ARFGEF3: variants seen among roughly 807,000 people sequenced by gnomAD.
ARFGEF3 encodes the protein brefeldin A-inhibited guanine nucleotide-exchange protein 3.
In ARFGEF3, 96 loss-of-function variants were observed where a neutral mutation model predicts 221.7. That is an observed-to-expected ratio of 0.43 (90% CI 0.37 to 0.51). The LOEUF is 0.51. Among genes scored for constraint, ARFGEF3 ranks in the 20% least tolerant of loss-of-function variants. The probability of loss-of-function intolerance (pLI) is 0.00; values close to 1 mark genes in which losing one functional copy is unlikely to be tolerated. For missense variants in ARFGEF3, 2,410 were observed against 2,789.9 expected, an observed-to-expected ratio of 0.86 and a Z score of 3.07; for synonymous variants, 1,145 against 1,126.8, an observed-to-expected ratio of 1.02 and a Z score of -0.32.
At position 138,337,910 on chromosome 6, in the gene ARFGEF3, C is replaced by A. The variant is rs1780360634; in HGVS notation, c.*1424C>A. 1 of 152,138 alleles carries A rather than the reference C, an allele frequency of 6.6e-6. No individual in the cohort carries two copies. The highest frequency in any genetic ancestry group is 6.5e-5 in the Admixed American group (1 of 15,268). The allele number at this position is 152,138 out of a possible 1,614,324, so 9.4% of individuals were successfully genotyped here. Reference sequence around the variant, plus strand: ...AGCCCCATTCATAATGAATAAGTCACCCTTTAAATATAAGACACAAATTCT... The same window carrying A: ...AGCCCCATTCATAATGAATAAGTCAACCTTTAAATATAAGACACAAATTCT... On this transcript the variant is annotated 3_prime_UTR_variant, in exon 34 of 34. Transcript: ENST00000251691.
intron 3 of ARFGEF3, 93 bp downstream of exon 3, chr6:138,207,216 G>T (rs1042348188): frequency 1.5e-5 from 14 of 906,724 alleles, no homozygotes; most frequent in Non-Finnish European, 2.4e-5. Flanking sequence ...AATACTGGCT[G>T]TTTAAAGACT....
chr6:138,163,666 G>A (rs950892657), intron 1 of ARFGEF3, among the ~76,000 whole-genome samples: 1 of 152,126 alleles, frequency 6.6e-6, no homozygotes, highest in Non-Finnish European at 1.5e-5. Flanking sequence ...AAACCACAAC[G>A]TTGCTGAGTT....
chr6:138,238,263 C>T (rs986888909), intron 5 of ARFGEF3, among the ~76,000 whole-genome samples: 3 of 152,168 alleles, frequency 2.0e-5, no homozygotes, highest in Non-Finnish European at 4.4e-5. Flanking sequence ...TTGCGTTCCC[C>T]TATGATGCTC....
chr6:138,331,519 TGGTTTGTTTG>T lies in ARFGEF3; in HGVS notation c.5124-2441_5124-2432del, dbSNP rs371275998. ...AGCATTTAAATAGAGAAACCTGGGT[TGGTTTGTTTG>T]GGTTTGTTTTAATAGCCTTGACATT... is the stretch of plus-strand genomic sequence containing the variant. On this transcript the variant is annotated intron_variant, in intron 32 of 33. Transcript: ENST00000251691. Among the ~76,000 whole-genome samples, 212 of 152,358 alleles carry T rather than the reference TGGTTTGTTTG, an allele frequency of 1.4e-3. 1 individual carries two copies. Among genetic ancestry groups the T allele is most frequent in the African/African-American group, 4.5e-3 (189 of 41,592 alleles).
At chr6:138,332,888 C>CA (rs763683555) in intron 32 of ARFGEF3, among the ~76,000 whole-genome samples, 1 of 152,120 alleles carries the variant, frequency 6.6e-6, no homozygotes, top group Non-Finnish European at 1.5e-5. Context: ...GAGGACTACA[C>CA]AAAGGGCAAA....
intron 2 of ARFGEF3, among the ~76,000 whole-genome samples, chr6:138,176,931 A>C (rs150247596): frequency 6.6e-6 from 1 of 152,014 alleles, no homozygotes; most frequent in East Asian, 1.9e-4. Flanking sequence ...GCATTTTGAA[A>C]ATGTCATTCA....
chr6:138,262,743 C>T lies in ARFGEF3; in HGVS notation c.1260C>T (p.Ile420=), dbSNP rs536315882. The T allele has an allele frequency of 9.3e-6, 15 of 1,610,938 alleles. No homozygotes were observed. Among genetic ancestry groups the T allele is most frequent in the East Asian group, 6.7e-5 (3 of 44,764 alleles). ...GMTEACIKGG[I]EACYAAVSCV... is the part of the protein sequence containing the mutation. ...CCGAAGCATGCATCAAGGGTGGCAT[C>T]GAAGCTTGCTATGCAGCCGTGTCCT... is the stretch of plus-strand genomic sequence containing the variant. Residue 420 remains isoleucine, a synonymous_variant, in exon 12 of 34, where the codon ATC becomes ATT. Coordinates refer to ENST00000251691, the MANE Select transcript of ARFGEF3 (RefSeq NM_020340.5).
chr6:138,315,685 A>G (rs181293793), intron 26 of ARFGEF3, among the ~76,000 whole-genome samples: 85 of 152,216 alleles, frequency 5.6e-4, no homozygotes, highest in African/African-American at 2.0e-3. Context: ...CCCAGTATCT[A>G]CTAAAAATAC....
In ARFGEF3 at chr6:138,289,999, A is replaced by G. The variant is rs765707259; in HGVS notation, c.3047+31A>G. 3.8e-6 allele frequency: 6 copies of G among 1,586,808 alleles called. No individual in the cohort carries two copies. The Admixed American group carries it at 1.1e-4, about 28-fold the overall frequency. ...TGACGGGCTCCCACCCCCAGATGGC[A>G]CTAACCCTGCCTTGGGAAACCTGGA... On this transcript the variant is annotated intron_variant, in intron 18 of 33. Coordinates refer to ENST00000251691, the MANE Select transcript of ARFGEF3 (RefSeq NM_020340.5).
intron 1 of ARFGEF3, among the ~76,000 whole-genome samples, chr6:138,169,797 C>G (rs1035310932): frequency 4.6e-5 from 7 of 152,198 alleles, no homozygotes; most frequent in African/African-American, 1.7e-4. Flanking sequence ...ATATCAAGCC[C>G]AGATCCTATC....
chr6:138,288,070 T>C (rs1244526592), intron 17 of ARFGEF3, among the ~76,000 whole-genome samples: 3 of 151,762 alleles, frequency 2.0e-5, no homozygotes, highest in Non-Finnish European at 4.4e-5. Context: ...ACCACGATAT[T>C]CAGATTAAAA....
intron 32 of ARFGEF3, among the ~76,000 whole-genome samples, chr6:138,332,918 C>A (rs1780253818): frequency 6.6e-6 from 1 of 152,178 alleles, no homozygotes; most frequent in East Asian, 1.9e-4. Flanking sequence ...GAGATTTATG[C>A]AGGATTTGTC....
intron 2 of ARFGEF3, among the ~76,000 whole-genome samples, chr6:138,182,647 T>C (rs1309034497): frequency 6.6e-6 from 1 of 152,170 alleles, no homozygotes; most frequent in Non-Finnish European, 1.5e-5. Context: ...TAAAAGAGAC[T>C]CTAGTCTGGA....
At chr6:138,232,011 CA>C (rs765657570) in intron 5 of ARFGEF3, among the ~76,000 whole-genome samples, 1 of 152,158 alleles carries the variant, frequency 6.6e-6, no homozygotes, top group Non-Finnish European at 1.5e-5. Context: ...ATGAAATATC[CA>C]AGTGCTTTCT....
intron 12 of ARFGEF3, among the ~76,000 whole-genome samples, chr6:138,267,145 T>C (rs1170429461): frequency 6.6e-6 from 1 of 152,154 alleles, no homozygotes; most frequent in Non-Finnish European, 1.5e-5. Flanking sequence ...CAAGAAACAG[T>C]AAAATTATAG....
At chr6:138,265,911 TA>T (rs763219648) in intron 12 of ARFGEF3, among the ~76,000 whole-genome samples, 14 of 152,006 alleles carry the variant, frequency 9.2e-5, no homozygotes, top group Non-Finnish European at 1.8e-4. Flanking sequence ...ATTTTTTTTT[TA>T]ATTTTATAGA....
intron 16 of ARFGEF3, 31 bp downstream of exon 16, chr6:138,286,947 G>A (rs1314330274): frequency 1.0e-5 from 16 of 1,607,836 alleles, no homozygotes; most frequent in Non-Finnish European, 1.4e-5. Flanking sequence ...CCCTGGCCGT[G>A]GTCCTGCAGA....
intron 2 of ARFGEF3, among the ~76,000 whole-genome samples, chr6:138,204,427 A>G (rs1473320728): frequency 2.6e-5 from 4 of 152,024 alleles, no homozygotes; most frequent in African/African-American, 4.8e-5. Context: ...GTCTATATCA[A>G]TGCTGGACAA....
chr6:138,200,484 C>A (rs2114482993), intron 2 of ARFGEF3, among the ~76,000 whole-genome samples: 1 of 152,282 alleles, frequency 6.6e-6, no homozygotes, highest in Middle Eastern at 3.4e-3. Context: ...GGCACATAGA[C>A]CAATGGAACA....
Sources: allele counts gnomAD v4.1 joint callset (sites outside exome capture counted in the v4.1 genomes callset), GRCh38; gene constraint gnomAD v4.1.1; transcripts MANE v1.5; gene names NCBI Gene and HGNC (gene_info 2026-07-23, HGNC 2026-07-21).